Variants in JAKMIP2 observed in about 807,000 individuals in gnomAD.
JAKMIP2 encodes janus kinase and microtubule interacting protein 2.
A neutral mutation model predicts 115.0 loss-of-function variants in JAKMIP2; 25 were observed. The ratio of observed to expected loss-of-function variants is 0.22; its 90% CI spans 0.16 to 0.30. JAKMIP2 has a LOEUF of 0.30. JAKMIP2 is among the 10% of genes least tolerant of loss of function. The pLI is 1.00. For missense variants in JAKMIP2, 642 were observed against 957.6 expected, an observed-to-expected ratio of 0.67 and a Z score of 4.35; for synonymous variants, 334 against 343.6, an observed-to-expected ratio of 0.97 and a Z score of 0.31.
At chr5:147,665,730 T>C (rs1309189778) in intron 2 of JAKMIP2, among the ~76,000 whole-genome samples, 3 of 152,210 alleles carry the variant, frequency 2.0e-5, no homozygotes, top group Non-Finnish European at 4.4e-5. Flanking sequence ...CTAGATTGTG[T>C]ACGGAAAAGT....
At position 147,600,063 on chromosome 5, in the gene JAKMIP2, C is replaced by T. The variant is rs111808586; in HGVS notation, c.*20+1678G>A. ...CTTGTCTCTTACTGAAATTTATTTT[C>T]CCTACTTTTAAAATTTATTTACTGT... On this transcript the variant is annotated intron_variant, in intron 21 of 21. Transcript: ENST00000616793. 1.8e-4 allele frequency among the ~76,000 whole-genome samples: 25 copies of T among 136,584 alleles called. 1 individual carries two copies. The highest frequency in any genetic ancestry group is 6.2e-4 in the African/African-American group (23 of 37,192). The allele number at this position is 136,584 out of a possible 152,430, so 89.6% of individuals were successfully genotyped here.
At chr5:147,713,005 G>C (rs749382337) in intron 1 of JAKMIP2, among the ~76,000 whole-genome samples, 13 of 152,140 alleles carry the variant, frequency 8.5e-5, no homozygotes, top group Non-Finnish European at 4.4e-5. Flanking sequence ...AGGGAAGGGA[G>C]GGAAGCAAAA....
rs2126536074 is a variant in JAKMIP2 at position 147,588,705 on chromosome 5, G to A, written c.*3002C>T. Reference sequence around the variant, plus strand: ...GATCTTAAGCAAAAAGAAAAAACAAGCAAACCTTTTGCCTGGCCCTAAACA... The same window carrying A: ...GATCTTAAGCAAAAAGAAAAAACAAACAAACCTTTTGCCTGGCCCTAAACA... On this transcript the variant is annotated 3_prime_UTR_variant, in exon 22 of 22. Coordinates refer to ENST00000616793, the MANE Select transcript of JAKMIP2 (RefSeq NM_001270941.2). The A allele has an allele frequency of 6.6e-6, 1 of 152,254 alleles. No homozygotes were observed. Among genetic ancestry groups the A allele is most frequent in the Non-Finnish European group, 1.5e-5 (1 of 68,008 alleles). The allele number at this position is 152,254 out of a possible 1,614,324, so 9.4% of individuals were successfully genotyped here. A position where few individuals can be genotyped will look rare whatever the true frequency, so the allele number is the denominator to read the frequency against.
chr5:147,729,666 C>A (rs941452075), intron 1 of JAKMIP2, among the ~76,000 whole-genome samples: 7 of 150,392 alleles, frequency 4.7e-5, no homozygotes, highest in South Asian at 4.2e-4. Context: ...CCCAGCTACT[C>A]GGGAGGCTGA....
Position 147,585,538 on chromosome 5 carries a change from A to C in JAKMIP2, c.*6169T>G, listed in dbSNP as rs1754832157. The C allele has an allele frequency of 6.6e-6, 1 of 152,240 alleles. No homozygotes were observed. The highest frequency in any genetic ancestry group is 2.4e-5 in the African/African-American group (1 of 41,464). The allele number at this position is 152,240 out of a possible 1,614,324, so 9.4% of individuals were successfully genotyped here. On this transcript the variant is annotated 3_prime_UTR_variant, in exon 22 of 22. Transcript: ENST00000616793. The stretch of plus-strand genomic sequence containing the variant: ...ATAAATTATAAAATAACCATTCATA[A>C]AACTTTACATACAGTAAGTTGATTC...
intron 2 of JAKMIP2, among the ~76,000 whole-genome samples, chr5:147,665,641 T>C (rs1212312741): frequency 6.6e-6 from 1 of 152,214 alleles, no homozygotes; most frequent in Non-Finnish European, 1.5e-5. Context: ...TTGCTATCTC[T>C]AAGAAAGTTG....
Position 147,742,155 on chromosome 5 carries a change from A to ATATATATTTTT in JAKMIP2, c.-149+40300_-149+40301insAAAAATATATA. The stretch of plus-strand genomic sequence containing the variant: ...TGTGGATCATTATATATATATATAT[A>ATATATATTTTT]TTTTTTTTACTATTGTATTGTATCT... On this transcript the variant is annotated intron_variant, in intron 1 of 21. Transcript: ENST00000616793. 1.8e-4 allele frequency among the ~76,000 whole-genome samples: 20 copies of ATATATATTTTT among 108,906 alleles called. 1 individual carries two copies. Among genetic ancestry groups the ATATATATTTTT allele is most frequent in the Non-Finnish European group, 3.5e-4 (19 of 53,662 alleles). The allele number at this position is 108,906 out of a possible 152,430, so 71.4% of individuals were successfully genotyped here.
At chr5:147,611,759 C>G (rs1756339036) in intron 20 of JAKMIP2, among the ~76,000 whole-genome samples, 1 of 152,154 alleles carries the variant, frequency 6.6e-6, no homozygotes, top group African/African-American at 2.4e-5. Context: ...TTTCCAAGTG[C>G]CCTCTGTAAG....
intron 16 of JAKMIP2, among the ~76,000 whole-genome samples, chr5:147,626,329 G>A (rs528586045): frequency 6.6e-6 from 1 of 152,262 alleles, no homozygotes; most frequent in South Asian, 2.1e-4. Flanking sequence ...TGTTCAACTG[G>A]TCCCTATACC....
chr5:147,602,403 T>C (rs2126587550), intron 20 of JAKMIP2, among the ~76,000 whole-genome samples: 1 of 152,256 alleles, frequency 6.6e-6, no homozygotes, highest in African/African-American at 2.4e-5. Flanking sequence ...GGTTGATGGG[T>C]AAAAACTGGG....
intron 1 of JAKMIP2, among the ~76,000 whole-genome samples, chr5:147,688,890 G>A (rs751613031): frequency 6.6e-6 from 1 of 152,176 alleles, no homozygotes; most frequent in Non-Finnish European, 1.5e-5. Flanking sequence ...GACATACATC[G>A]TTGGCTCATG....
At chr5:147,716,603 G>C (rs1753009911) in intron 1 of JAKMIP2, among the ~76,000 whole-genome samples, 1 of 152,074 alleles carries the variant, frequency 6.6e-6, no homozygotes, top group South Asian at 2.1e-4. Context: ...CAGCGATGAT[G>C]AGCATTTTTT....
chr5:147,648,334 T>C, intron 5 of JAKMIP2, 42 bp downstream of exon 5: 1 of 985,290 alleles, frequency 1.0e-6, no homozygotes, highest in Non-Finnish European at 1.6e-6. Context: ...TGTAACATAA[T>C]GCTTAACAAC....
chr5:147,743,254 CA>C (rs1251123604), intron 1 of JAKMIP2, among the ~76,000 whole-genome samples: 1 of 152,204 alleles, frequency 6.6e-6, no homozygotes, highest in Non-Finnish European at 1.5e-5. Flanking sequence ...ATCACTCTCA[CA>C]CGCATTATCT....
At chr5:147,695,629 ATTG>A (rs1253187314) in intron 1 of JAKMIP2, among the ~76,000 whole-genome samples, 9 of 150,702 alleles carry the variant, frequency 6.0e-5, no homozygotes, top group Non-Finnish European at 2.9e-5. Context: ...TTCTTCCTCT[ATTG>A]TTACGGAAGT....
rs775629363 is a variant in JAKMIP2, at chr5:147,632,664, A to G, written c.1776+16T>C. On this transcript the variant is annotated intron_variant, in intron 13 of 21. Transcript: ENST00000616793. ...CATTACGATTATTTTTATTATTATCATCATCATTTCCTTACTTCTAGCTCT... is the reference window on the plus strand; with the variant it reads ...CATTACGATTATTTTTATTATTATCGTCATCATTTCCTTACTTCTAGCTCT... 1.1e-5 allele frequency: 16 copies of G among 1,457,494 alleles called. No individual in the cohort carries two copies. The highest frequency in any genetic ancestry group is 1.4e-5 in the Non-Finnish European group (15 of 1,042,310). 90.3% of individuals were successfully genotyped at this position (1,457,494 alleles called of 1,614,324 possible).
chr5:147,730,487 C>T (rs1308987226), intron 1 of JAKMIP2, among the ~76,000 whole-genome samples: 3 of 151,328 alleles, frequency 2.0e-5, no homozygotes, highest in East Asian at 1.9e-4. Context: ...GGTGGAGTCT[C>T]GCTCTGTCGC....
intron 1 of JAKMIP2, among the ~76,000 whole-genome samples, chr5:147,737,175 T>C (rs2126984632): frequency 6.6e-6 from 1 of 152,352 alleles, no homozygotes; most frequent in East Asian, 1.9e-4. Flanking sequence ...AAAATGTCTC[T>C]TAATAAAACT....
intron 2 of JAKMIP2, chr5:147,661,787 A>C (rs530747015): frequency 2.7e-4 from 69 of 251,704 alleles, no homozygotes; most frequent in African/African-American, 1.5e-3. Flanking sequence ...TCTATGACTC[A>C]GAATTTGCAT....
Sources: gnomAD v4.1 joint callset for allele counts (sites outside exome capture counted in the v4.1 genomes callset) on GRCh38, gnomAD v4.1.1 for gene constraint, MANE v1.5 for transcripts, NCBI Gene and HGNC (gene_info 2026-07-23, HGNC 2026-07-21) for gene names.